The following IL34 variants were observed in gnomAD, a reference collection of about 807,000 sequenced individuals.
IL34 encodes the protein interleukin-34.
A neutral mutation model predicts 25.3 loss-of-function variants in IL34; 17 were observed. That is an observed-to-expected ratio of 0.67 (90% CI 0.46 to 1.01). IL34 has a LOEUF of 1.01. Among genes scored for constraint, IL34 ranks in the 50% least tolerant of loss-of-function variants. The pLI is 0.00. For missense variants in IL34, 368 were observed against 312.9 expected, an observed-to-expected ratio of 1.18 and a Z score of -1.33; for synonymous variants, 174 against 140.9, an observed-to-expected ratio of 1.23 and a Z score of -1.66.
At chr16:70,651,006 C>G (rs2052064261) in intron 1 of IL34, among the ~76,000 whole-genome samples, 1 of 152,176 alleles carries the variant, frequency 6.6e-6, no homozygotes, top group Admixed American at 6.5e-5. Flanking sequence ...GTCAGGAGTT[C>G]AAGACCAGCC....
chr16:70,629,732 C>T (rs926721107), intron 1 of IL34, among the ~76,000 whole-genome samples: 14 of 150,276 alleles, frequency 9.3e-5, no homozygotes, highest in Admixed American at 2.7e-4. Context: ...AATGTTTGTG[C>T]GTACATAGTA....
At chr16:70,627,446 T>TCCCCTC (rs1274542221) in intron 1 of IL34, among the ~76,000 whole-genome samples, 5 of 17,736 alleles carry the variant, frequency 2.8e-4, no homozygotes, top group Middle Eastern at 0.023. Flanking sequence ...CCCCCTCCGC[T>TCCCCTC]CCCCTCCCCC....
upstream of IL34, among the ~76,000 whole-genome samples, chr16:70,643,680 A>G (rs916269904): frequency 3.9e-5 from 6 of 152,202 alleles, no homozygotes; most frequent in African/African-American, 1.4e-4. Flanking sequence ...CAGCCTGTAC[A>G]CTTTAAAATG....
chr16:70,623,348 T>C (rs561869258), intron 1 of IL34, among the ~76,000 whole-genome samples: 19 of 152,082 alleles, frequency 1.2e-4, no homozygotes, highest in South Asian at 2.1e-4. Context: ...TTTGACACCA[T>C]AGGGTGGATA....
chr16:70,640,494 C>T (rs2051755070), intron 1 of IL34, among the ~76,000 whole-genome samples: 1 of 151,804 alleles, frequency 6.6e-6, no homozygotes. Flanking sequence ...TGTGGTGGTG[C>T]ATGCCTGTAA....
At chr16:70,592,557 T>C (rs1286945040) in intron 1 of IL34, among the ~76,000 whole-genome samples, 1 of 152,196 alleles carries the variant, frequency 6.6e-6, no homozygotes, top group African/African-American at 2.4e-5. Flanking sequence ...CCTATACCAG[T>C]TGCTGAATAA....
chr16:70,619,229 G>T (rs537771140), intron 1 of IL34, among the ~76,000 whole-genome samples: 96 of 152,260 alleles, frequency 6.3e-4, no homozygotes, highest in East Asian at 5.6e-3. Flanking sequence ...GTTGAGTGGG[G>T]TAAGGGTGAT....
intron 1 of IL34, chr16:70,653,961 G>T (rs1597780692): frequency 6.6e-6 from 1 of 152,224 alleles, no homozygotes; most frequent in South Asian, 2.1e-4. Context: ...AGGCAGCCAA[G>T]TATGAGATCT....
chr16:70,621,833 G>C (rs1170222491), intron 1 of IL34, among the ~76,000 whole-genome samples: 2 of 151,986 alleles, frequency 1.3e-5, no homozygotes, highest in African/African-American at 4.8e-5. Flanking sequence ...CTCAGTGGGG[G>C]TGTTTTTGAG....
At chr16:70,615,683 G>A (rs1253398388) in intron 1 of IL34, among the ~76,000 whole-genome samples, 1 of 152,144 alleles carries the variant, frequency 6.6e-6, no homozygotes, top group Non-Finnish European at 1.5e-5. Flanking sequence ...AGGCGCAGTG[G>A]CACGTGCCTG....
intron 1 of IL34, among the ~76,000 whole-genome samples, chr16:70,625,991 C>T (rs890163004): frequency 7.9e-5 from 12 of 152,160 alleles, no homozygotes; most frequent in Admixed American, 3.9e-4. Flanking sequence ...GGAGGTCCCC[C>T]GATCCGAGTC....
intron 1 of IL34, among the ~76,000 whole-genome samples, chr16:70,619,862 G>A (rs143695120): frequency 0.015 from 2,345 of 152,270 alleles, 65 homozygotes; most frequent in African/African-American, 0.053. Context: ...GATGGGACGC[G>A]GCTTAGGAGG....
At chr16:70,628,379 C>T (rs1383517789) in intron 1 of IL34, among the ~76,000 whole-genome samples, 1 of 151,964 alleles carries the variant, frequency 6.6e-6, no homozygotes, top group African/African-American at 2.4e-5. Flanking sequence ...ATATCTTGCA[C>T]ATTTCTTGAT....
At chr16:70,634,780 C>T (rs1285149794) in intron 1 of IL34, among the ~76,000 whole-genome samples, 1 of 152,098 alleles carries the variant, frequency 6.6e-6, no homozygotes, top group Non-Finnish European at 1.5e-5. Context: ...TGATACCTAT[C>T]ACCATAGATT....
chr16:70,630,556 C>T (rs1458920947), intron 1 of IL34, among the ~76,000 whole-genome samples: 2 of 151,700 alleles, frequency 1.3e-5, no homozygotes, highest in East Asian at 3.9e-4. Context: ...CTCTCCCCTC[C>T]CCTCTCCTCT....
At chr16:70,643,882 G>A (rs6499330), upstream of IL34, among the ~76,000 whole-genome samples, 84,228 of 152,070 alleles carry the variant, frequency 0.55, 26,098 homozygotes, top group African/African-American at 0.85. Context: ...ATCCCTACAT[G>A]CTGGTGAAAT....
intron 1 of IL34, among the ~76,000 whole-genome samples, chr16:70,605,968 GGTTTTTTTTTT>G (rs2050997544): frequency 1.6e-5 from 2 of 123,698 alleles, no homozygotes; most frequent in Admixed American, 1.6e-4. Flanking sequence ...CACCGCACCT[GGTTTTTTTTTT>G]TTTTTTTTTT....
chr16:70,583,137 G>A (rs567146686), intron 1 of IL34, among the ~76,000 whole-genome samples: 1 of 152,172 alleles, frequency 6.6e-6, no homozygotes, highest in East Asian at 1.9e-4. Context: ...TTTTGAGACG[G>A]AGTCTTGCTC....
chr16:70,634,162 C>T (rs527383444), intron 1 of IL34, among the ~76,000 whole-genome samples: 1 of 151,986 alleles, frequency 6.6e-6, no homozygotes. Flanking sequence ...TCTCTCTCTT[C>T]TTATCAGGAC....
Sources: gnomAD v4.1 joint callset for allele counts (sites outside exome capture counted in the v4.1 genomes callset) on GRCh38, gnomAD v4.1.1 for gene constraint, MANE v1.5 for transcripts, NCBI Gene and HGNC (gene_info 2026-07-23, HGNC 2026-07-21) for gene names.